RAB10: variants seen among roughly 807,000 people sequenced by gnomAD.
RAB10 encodes ras-related protein Rab-10.
A neutral mutation model predicts 25.7 loss-of-function variants in RAB10; 5 were observed. The observed-to-expected ratio is 0.19, with a 90% CI of 0.10 to 0.41. The LOEUF (loss-of-function observed/expected upper bound fraction) is 0.41. RAB10 is among the 10% of genes least tolerant of loss of function. The pLI is 1.00. For missense variants in RAB10, 103 were observed against 245.8 expected, an observed-to-expected ratio of 0.42 and a Z score of 3.89; for synonymous variants, 89 against 86.4, an observed-to-expected ratio of 1.03 and a Z score of -0.16.
At chr2:26,055,544 C>T (rs779345444) in intron 1 of RAB10, among the ~76,000 whole-genome samples, 1 of 151,940 alleles carries the variant, frequency 6.6e-6, no homozygotes, top group African/African-American at 2.4e-5. Context: ...CACACCACTG[C>T]GCCCAGCTAA....
Position 26,055,577 on chromosome 2 carries a change from C to T in RAB10, c.127+20842C>T, listed in dbSNP as rs577718810. On this transcript the variant is annotated intron_variant, in intron 1 of 5. Transcript: ENST00000264710. ...TAATTTTTTGTATTTTTAGTAGAAACGGGGTTTCAACATGTTGTCCAGGCT... is the reference window on the plus strand; with the variant it reads ...TAATTTTTTGTATTTTTAGTAGAAATGGGGTTTCAACATGTTGTCCAGGCT... 1.1e-4 allele frequency among the ~76,000 whole-genome samples: 16 copies of T among 152,040 alleles called. No individual in the cohort carries two copies. The East Asian group carries it at 1.7e-3, about 17-fold the overall frequency.
At chr2:26,101,907 C>T (rs757529806) in intron 2 of RAB10, 9 of 152,300 alleles carry the variant, frequency 5.9e-5, no homozygotes, top group Non-Finnish European at 8.8e-5. Flanking sequence ...TGAACGATCT[C>T]AGACTCCTTG....
In RAB10 at chr2:26,108,925, ATTTT is replaced by A. The variant is rs923450469; in HGVS notation, c.189-842_189-839del. 5.3e-5 allele frequency among the ~76,000 whole-genome samples: 7 copies of A among 132,946 alleles called. No homozygotes were observed. In the East Asian group the frequency reaches 1.4e-3, roughly 27 times the overall value. The allele number at this position is 132,946 out of a possible 152,430, so 87.2% of individuals were successfully genotyped here. A position where few individuals can be genotyped will look rare whatever the true frequency, so the allele number is the denominator to read the frequency against. On this transcript the variant is annotated intron_variant, in intron 2 of 5. Transcript: ENST00000264710. ...TATTTATTTATTTATTTATTTATTT[ATTTT>A]GAGACGGAGTCTCGCTCTGTCACCC...
At chr2:26,054,687 C>G (rs193248470) in intron 1 of RAB10, among the ~76,000 whole-genome samples, 4 of 152,148 alleles carry the variant, frequency 2.6e-5, no homozygotes, top group African/African-American at 9.7e-5. Context: ...TTCTAACCTG[C>G]AGGAAAGTTA....
At chr2:26,102,197 A>G (rs1026174935) in intron 2 of RAB10, 1 of 152,184 alleles carries the variant, frequency 6.6e-6, no homozygotes, top group Non-Finnish European at 1.5e-5. Flanking sequence ...TTTCCTTAAC[A>G]CTTAATAATT....
In RAB10 at chr2:26,060,154, A is replaced by G. The variant is rs967371479; in HGVS notation, c.127+25419A>G. On this transcript the variant is annotated intron_variant, in intron 1 of 5. Coordinates refer to ENST00000264710, the MANE Select transcript of RAB10 (RefSeq NM_016131.5). ...GAATTTGTGAATTCGTGTGAATGCC[A>G]TGAATTCTCTAATATGGAGGGGGAA... Among the ~76,000 whole-genome samples the G allele has an allele frequency of 7.2e-5, 11 of 152,336 alleles. No homozygotes were observed. The South Asian group carries it at 1.2e-3, about 17-fold the overall frequency.
At chr2:26,112,442 C>T (rs1485308242) in intron 3 of RAB10, among the ~76,000 whole-genome samples, 1 of 152,134 alleles carries the variant, frequency 6.6e-6, no homozygotes, top group African/African-American at 2.4e-5. Context: ...TTATGAATAA[C>T]AAAAGACAAC....
At chr2:26,102,508 G>C (rs887654516) in intron 2 of RAB10, among the ~76,000 whole-genome samples, 27 of 144,572 alleles carry the variant, frequency 1.9e-4, no homozygotes, top group Non-Finnish European at 8.9e-5. Context: ...GCGCTATCTC[G>C]GCTCACTGCA....
At chr2:26,058,068 A>C (rs1487150798) in intron 1 of RAB10, among the ~76,000 whole-genome samples, 2 of 152,208 alleles carry the variant, frequency 1.3e-5, no homozygotes, top group Non-Finnish European at 2.9e-5. Flanking sequence ...GATATTTGTT[A>C]AGAAGACTAA....
In RAB10 at chr2:26,137,079, A is replaced by G. The variant is rs1431605218; in HGVS notation, c.*2058A>G. The G allele has an allele frequency of 6.6e-6, 1 of 152,660 alleles. No homozygotes were observed. Among genetic ancestry groups the G allele is most frequent in the Non-Finnish European group, 1.5e-5 (1 of 68,042 alleles). The allele number at this position is 152,660 out of a possible 1,614,324, so 9.5% of individuals were successfully genotyped here. ...TTCCATGACTTAAGGTTGGAGAGCTAAACACTGGGATTTTTGGATAACAGA... is the reference window on the plus strand; with the variant it reads ...TTCCATGACTTAAGGTTGGAGAGCTGAACACTGGGATTTTTGGATAACAGA... On this transcript the variant is annotated 3_prime_UTR_variant, in exon 6 of 6. Transcript: ENST00000264710.
intron 1 of RAB10, among the ~76,000 whole-genome samples, chr2:26,072,900 T>C (rs1215927170): frequency 6.6e-6 from 1 of 152,246 alleles, no homozygotes; most frequent in Non-Finnish European, 1.5e-5. Context: ...TTAGTTTTAA[T>C]TTGTAATATG....
intron 1 of RAB10, among the ~76,000 whole-genome samples, chr2:26,052,082 A>T (rs1666151118): frequency 6.6e-6 from 1 of 151,514 alleles, no homozygotes; most frequent in Non-Finnish European, 1.5e-5. Flanking sequence ...AAAAGTCATT[A>T]AAAAGATGTT....
At chr2:26,092,300 TGTGTGTGTGTGTGTGTG>T (rs1667125843) in intron 1 of RAB10, among the ~76,000 whole-genome samples, 3 of 136,168 alleles carry the variant, frequency 2.2e-5, no homozygotes, top group African/African-American at 1.0e-4. Context: ...TGTGTGTGTG[TGTGTGTGTGTGTGTGTG>T]TGTGTTGGGG....
chr2:26,077,584 T>C (rs781642481), intron 1 of RAB10, among the ~76,000 whole-genome samples: 2 of 152,234 alleles, frequency 1.3e-5, no homozygotes, highest in African/African-American at 2.4e-5. Flanking sequence ...TTTACTTGGA[T>C]GACTTTTTTA....
At chr2:26,060,888 GC>G (rs779603977) in intron 1 of RAB10, among the ~76,000 whole-genome samples, 1 of 152,030 alleles carries the variant, frequency 6.6e-6, no homozygotes, top group Non-Finnish European at 1.5e-5. Flanking sequence ...TGGCTACAGA[GC>G]TTCCATTTTG....
rs56063928 is a variant in RAB10 at position 26,113,743 on chromosome 2, T to TA, written c.327+3854dup. Among the ~76,000 whole-genome samples, 873 of 125,586 alleles carry TA rather than the reference T, an allele frequency of 7.0e-3. 14 individuals carry two copies. The highest frequency in any genetic ancestry group is 0.017 in the African/African-American group (578 of 34,068). The allele number at this position is 125,586 out of a possible 152,430, so 82.4% of individuals were successfully genotyped here. A position where few individuals can be genotyped will look rare whatever the true frequency, so the allele number is the denominator to read the frequency against. On this transcript the variant is annotated intron_variant, in intron 3 of 5. Coordinates refer to ENST00000264710, the MANE Select transcript of RAB10 (RefSeq NM_016131.5). The stretch of plus-strand genomic sequence containing the variant: ...CATTATGCTGAGTTCCAGCCAGAGC[T>TA]AAAAAAAAAAAAAAAAAGAAAGAAA...
At chr2:26,124,887 A>G (rs1304298622) in intron 3 of RAB10, among the ~76,000 whole-genome samples, 1 of 152,310 alleles carries the variant, frequency 6.6e-6, no homozygotes, top group East Asian at 1.9e-4. Flanking sequence ...AATTTACTTC[A>G]TTTAACATAA....
chr2:26,075,097 G>A (rs1029778382), intron 1 of RAB10, among the ~76,000 whole-genome samples: 1 of 152,172 alleles, frequency 6.6e-6, no homozygotes, highest in African/African-American at 2.4e-5. Flanking sequence ...TTTTGGAGCA[G>A]CTAGATGGAG....
chr2:26,034,554 A>G lies in RAB10; in HGVS notation c.-55A>G. The G allele has an allele frequency of 6.2e-7, 1 of 1,610,026 alleles. No homozygotes were observed. Among genetic ancestry groups the G allele is most frequent in the Admixed American group, 1.7e-5 (1 of 59,796 alleles). On this transcript the variant is annotated 5_prime_UTR_variant, in exon 1 of 6. Coordinates refer to ENST00000264710, the MANE Select transcript of RAB10 (RefSeq NM_016131.5). ...CCCGAGTGAGGAGTTGGCCGTAGTG[A>G]GAGGGACCGATCCCTTGGGGCCGCC... is the stretch of plus-strand genomic sequence containing the variant.
Sources: allele counts gnomAD v4.1 joint callset (sites outside exome capture counted in the v4.1 genomes callset), GRCh38; gene constraint gnomAD v4.1.1; transcripts MANE v1.5; gene names NCBI Gene and HGNC (gene_info 2026-07-23, HGNC 2026-07-21).